Variants in NEK10 observed in about 807,000 individuals in gnomAD.
NEK10 encodes the protein serine/threonine-protein kinase Nek10.
In NEK10, 122 loss-of-function variants were observed where a neutral mutation model predicts 159.8. The observed-to-expected ratio is 0.76, with a 90% CI of 0.66 to 0.89. NEK10 has a LOEUF of 0.89. Ranked by LOEUF, NEK10 falls within the 40% of genes least tolerant of loss-of-function variation. The pLI, the probability that NEK10 is intolerant of heterozygous loss-of-function variation, is 0.00. For synonymous variants in NEK10, 466 were observed against 457.1 expected, an observed-to-expected ratio of 1.02 and a Z score of -0.25; for missense variants, 1,342 against 1,323.1, an observed-to-expected ratio of 1.01 and a Z score of -0.22.
rs930136409 is a variant in NEK10 at position 27,354,662 on chromosome 3, G to T, written c.-37-1743C>A. Among the ~76,000 whole-genome samples the T allele has an allele frequency of 2.0e-5, 3 of 152,138 alleles. No homozygotes were observed. In the East Asian group the frequency reaches 5.8e-4, roughly 29 times the overall value. Reference sequence around the variant, plus strand: ...CACTATAATACAAAATGGGAGATGGGGGAAGGAAGGGCAGTTCATATGTTA... The same window carrying T: ...CACTATAATACAAAATGGGAGATGGTGGAAGGAAGGGCAGTTCATATGTTA... On this transcript the variant is annotated intron_variant, in intron 1 of 35. Transcript: ENST00000691995.
chr3:27,275,351 G>A (rs964416454), intron 22 of NEK10, among the ~76,000 whole-genome samples: 5 of 152,148 alleles, frequency 3.3e-5, no homozygotes, highest in Admixed American at 1.3e-4. Context: ...TTTATGTTAT[G>A]AGACCCAATG....
intron 22 of NEK10, chr3:27,265,749 C>A (rs1394167147): frequency 6.7e-6 from 1 of 149,406 alleles, no homozygotes; most frequent in Admixed American, 6.7e-5. Flanking sequence ...TATTTATTTT[C>A]TTATTTTTAA....
intron 16 of NEK10, among the ~76,000 whole-genome samples, chr3:27,292,550 G>A (rs1283413057): frequency 6.6e-6 from 1 of 151,990 alleles, no homozygotes; most frequent in African/African-American, 2.4e-5. Context: ...TAAAGAATAA[G>A]TAGCTGGGTG....
intron 1 of NEK10, among the ~76,000 whole-genome samples, chr3:27,365,735 C>T (rs1294044174): frequency 6.6e-6 from 1 of 150,756 alleles, no homozygotes; most frequent in Non-Finnish European, 1.5e-5. Flanking sequence ...GTCTCAGCCT[C>T]CAGAGTAGCT....
At chr3:27,360,397 C>G (rs907332879) in intron 1 of NEK10, among the ~76,000 whole-genome samples, 2 of 152,172 alleles carry the variant, frequency 1.3e-5, no homozygotes, top group African/African-American at 4.8e-5. Context: ...AGAAAAGACA[C>G]TTGCACAAAA....
rs564485590 is a variant in NEK10 at position 27,237,195 on chromosome 3, T to G, written c.2090+19101A>C. Reference sequence around the variant, plus strand: ...CAGACCTTTGGTTGTCTTCCCTTGTTCCCTAAAATTGCTGTTATTGTATTC... The same window carrying G: ...CAGACCTTTGGTTGTCTTCCCTTGTGCCCTAAAATTGCTGTTATTGTATTC... On this transcript the variant is annotated intron_variant, in intron 23 of 35. Coordinates refer to ENST00000691995, the MANE Select transcript of NEK10 (RefSeq NM_001394966.1). Among the ~76,000 whole-genome samples the G allele has an allele frequency of 2.6e-5, 4 of 152,266 alleles. No individual in the cohort carries two copies. The South Asian group carries it at 8.3e-4, about 32-fold the overall frequency.
chr3:27,289,132 G>A (rs1181456930), intron 19 of NEK10, among the ~76,000 whole-genome samples: 1 of 152,166 alleles, frequency 6.6e-6, no homozygotes, highest in Non-Finnish European at 1.5e-5. Context: ...CAGTGCACTA[G>A]AAGGTAACAG....
chr3:27,110,995 C>A lies in NEK10; in HGVS notation c.*277G>T, dbSNP rs1206813285. On this transcript the variant is annotated 3_prime_UTR_variant, in exon 36 of 36. Coordinates refer to ENST00000691995, the MANE Select transcript of NEK10 (RefSeq NM_001394966.1). ...GTTGTTTTTGGGTTTTCCCCCCACC[C>A]TCCAAAAGATGAATTTTGCAGCATT... is the stretch of plus-strand genomic sequence containing the variant. 9 of 305,868 alleles carry A rather than the reference C, an allele frequency of 2.9e-5. No homozygotes were observed. The East Asian group carries it at 4.7e-4, about 16-fold the overall frequency. 18.9% of individuals were successfully genotyped at this position (305,868 alleles called of 1,614,324 possible).
Position 27,291,359 on chromosome 3 carries a change from A to G in NEK10, c.1508T>C (p.Ile503Thr), listed in dbSNP as rs749939857. 7 of 1,612,396 alleles carry G rather than the reference A, an allele frequency of 4.3e-6. No individual in the cohort carries two copies. Among genetic ancestry groups the G allele is most frequent in the Non-Finnish European group, 5.1e-6 (6 of 1,179,134 alleles). Reference sequence around the variant, plus strand: ...AGCTTTGTTCTGATTAATGCTTTCAATATTTTCAGCAATTTGCTTCAGTTC... The same window carrying G: ...AGCTTTGTTCTGATTAATGCTTTCAGTATTTTCAGCAATTTGCTTCAGTTC... ...EDELKQIAEN[I>T]ESINQNKAPL... The change falls in exon 18 of 36, where the codon ATT (isoleucine) becomes ACT (threonine). Residue 503 changes from isoleucine (I) to threonine (T), a missense_variant. Ile to Thr is a moderately conservative substitution (Grantham distance 89, BLOSUM62 -1). Coordinates refer to ENST00000691995, the MANE Select transcript of NEK10 (RefSeq NM_001394966.1).
At chr3:27,347,127 CA>C (rs1239825345) in intron 3 of NEK10, among the ~76,000 whole-genome samples, 2 of 152,134 alleles carry the variant, frequency 1.3e-5, no homozygotes, top group African/African-American at 4.8e-5. Flanking sequence ...AATCATTTTT[CA>C]GTAAATTTTT....
intron 23 of NEK10, chr3:27,215,573 T>A: frequency 8.4e-6 from 4 of 475,572 alleles, no homozygotes; most frequent in Non-Finnish European, 1.1e-5. Context: ...TGTTGGCAGT[T>A]TAAATGAGAG....
chr3:27,320,081 G>A (rs572815097), intron 6 of NEK10, among the ~76,000 whole-genome samples: 38 of 152,316 alleles, frequency 2.5e-4, no homozygotes, highest in South Asian at 2.1e-3. Context: ...GCCTGAGCAC[G>A]TGGTCTTCTG....
At chr3:27,236,040 A>G (rs1250451498) in intron 23 of NEK10, among the ~76,000 whole-genome samples, 1 of 152,180 alleles carries the variant, frequency 6.6e-6, no homozygotes, top group Non-Finnish European at 1.5e-5. Context: ...TTAGCAAACT[A>G]ATGCAGAAAC....
intron 26 of NEK10, among the ~76,000 whole-genome samples, chr3:27,177,111 C>A (rs1165347681): frequency 1.3e-5 from 2 of 152,176 alleles, no homozygotes; most frequent in African/African-American, 4.8e-5. Context: ...TCACTTGTAA[C>A]TGCCAAAATT....
chr3:27,131,334 T>TA (rs913063589), intron 32 of NEK10, among the ~76,000 whole-genome samples: 10 of 152,118 alleles, frequency 6.6e-5, no homozygotes, highest in Non-Finnish European at 1.5e-5. Flanking sequence ...TAACCAGAGG[T>TA]AAACAATTTT....
chr3:27,174,258 C>T, intron 28 of NEK10, 181 bp downstream of exon 28: 1 of 381,706 alleles, frequency 2.6e-6, no homozygotes, highest in Non-Finnish European at 3.6e-6. Context: ...TATAAAACCA[C>T]TGTGCTGGCT....
chr3:27,164,130 G>A (rs1159968070), intron 29 of NEK10, among the ~76,000 whole-genome samples: 1 of 152,090 alleles, frequency 6.6e-6, no homozygotes, highest in African/African-American at 2.4e-5. Flanking sequence ...AATGGAACCT[G>A]CCAGCCTTTA....
chr3:27,309,929 G>T (rs2044553451), intron 9 of NEK10: 1 of 152,094 alleles, frequency 6.6e-6, no homozygotes, highest in Non-Finnish European at 1.5e-5. Flanking sequence ...CTTGTCAGTG[G>T]CTTTCCCTGA....
At chr3:27,285,012 C>A (rs2042471335) in intron 20 of NEK10, 51 bp from the exon 21 acceptor site, 2 of 1,438,804 alleles carry the variant, frequency 1.4e-6, no homozygotes, top group Non-Finnish European at 1.9e-6. Flanking sequence ...ATACAGGCAT[C>A]TTGAAAAACT....
Sources: allele counts gnomAD v4.1 joint callset (sites outside exome capture counted in the v4.1 genomes callset), GRCh38; gene constraint gnomAD v4.1.1; transcripts MANE v1.5; gene names NCBI Gene and HGNC (gene_info 2026-07-23, HGNC 2026-07-21).